TLK1: variants seen among roughly 807,000 people sequenced by gnomAD.
TLK1 encodes serine/threonine-protein kinase tousled-like 1.
Under a neutral mutation model 105.3 loss-of-function variants are expected in TLK1, and 24 were observed. The ratio of observed to expected loss-of-function variants is 0.23; its 90% confidence interval spans 0.17 to 0.32. The LOEUF is 0.32. Among genes scored for constraint, TLK1 ranks in the 10% least tolerant of loss-of-function variants. The pLI, the probability that TLK1 is intolerant of heterozygous loss-of-function variation, is 1.00. For synonymous variants in TLK1, 321 were observed against 310.4 expected (o/e 1.03, Z -0.36); for missense variants, 558 against 910.5 (o/e 0.61, Z 4.98).
chr2:171,077,776 T>C (rs1688578280), intron 3 of TLK1, among the ~76,000 whole-genome samples: 2 of 152,190 alleles, frequency 1.3e-5, no homozygotes, highest in African/African-American at 4.8e-5. Flanking sequence ...ATTATAACAA[T>C]AGAATATACA....
At chr2:171,104,808 G>T (rs1689845258) in intron 2 of TLK1, among the ~76,000 whole-genome samples, 1 of 152,180 alleles carries the variant, frequency 6.6e-6, no homozygotes, top group Admixed American at 6.5e-5. Context: ...TTGGTGTATA[G>T]AAATGCTACT....
chr2:171,176,683 C>T (rs1369615899), intron 1 of TLK1, among the ~76,000 whole-genome samples: 1 of 152,206 alleles, frequency 6.6e-6, no homozygotes, highest in Non-Finnish European at 1.5e-5. Flanking sequence ...AAAACAATAA[C>T]TTCATAGTCT....
intron 4 of TLK1, chr2:171,060,054 A>G (rs1687679824): frequency 1.9e-6 from 3 of 1,599,484 alleles, no homozygotes; most frequent in East Asian, 2.2e-5. Flanking sequence ...GAAGGGGGGA[A>G]AAAACACTGA....
chr2:171,096,361 A>G (rs1474450168), intron 2 of TLK1, among the ~76,000 whole-genome samples: 3 of 152,148 alleles, frequency 2.0e-5, no homozygotes, highest in Admixed American at 1.3e-4. Flanking sequence ...ACTTTTTTTA[A>G]AATCCCACAC....
intron 1 of TLK1, among the ~76,000 whole-genome samples, chr2:171,156,989 A>G (rs1037027161): frequency 3.3e-5 from 5 of 152,072 alleles, no homozygotes; most frequent in African/African-American, 1.2e-4. Context: ...TATTTTTTGT[A>G]GAGACAGGGT....
intron 1 of TLK1, among the ~76,000 whole-genome samples, chr2:171,230,205 T>C (rs1693970690): frequency 1.3e-5 from 2 of 152,204 alleles, no homozygotes; most frequent in Admixed American, 6.5e-5. Flanking sequence ...GACTTTGCAA[T>C]TGAAGCCATC....
intron 3 of TLK1, among the ~76,000 whole-genome samples, chr2:171,080,985 C>T (rs1341562887): frequency 6.6e-6 from 1 of 152,138 alleles, no homozygotes; most frequent in Non-Finnish European, 1.5e-5. Context: ...GGATTACAAG[C>T]GTGAGCCCCC....
At position 171,230,433 on chromosome 2, in the gene TLK1, A is replaced by G. The variant is rs541932332; in HGVS notation, c.-6+712T>C. ...TTTCCAAATTCCGAATTCCAGGGAA[A>G]TAGCTGACACCACCCAGTTTGAAGG... On this transcript the variant is annotated intron_variant, in intron 1 of 20. Coordinates refer to the TLK1 transcript ENST00000521943. 2.0e-4 allele frequency among the ~76,000 whole-genome samples: 30 copies of G among 152,286 alleles called. No individual in the cohort carries two copies. In the South Asian group the frequency reaches 6.0e-3, roughly 31 times the overall value.
intron 1 of TLK1, among the ~76,000 whole-genome samples, chr2:171,204,220 T>G (rs1201159771): frequency 2.6e-5 from 4 of 152,140 alleles, no homozygotes; most frequent in Non-Finnish European, 4.4e-5. Context: ...GAAATTGACA[T>G]GAACTCAAGA....
At chr2:171,006,387 C>A in intron 17 of TLK1, 87 bp downstream of exon 17, 1 of 1,480,126 alleles carries the variant, frequency 6.8e-7, no homozygotes, top group Non-Finnish European at 9.0e-7. Context: ...CAAGAGAAAC[C>A]AAAAAACATG....
At chr2:171,158,865 T>C (rs1213041081) in intron 1 of TLK1, among the ~76,000 whole-genome samples, 3 of 152,230 alleles carry the variant, frequency 2.0e-5, no homozygotes, top group Non-Finnish European at 4.4e-5. Flanking sequence ...AAGCTCAGCG[T>C]TGGGATAAGA....
At chr2:171,081,649 A>T in intron 3 of TLK1, 1 of 1,304,064 alleles carries the variant, frequency 7.7e-7, no homozygotes, top group Non-Finnish European at 1.0e-6. Flanking sequence ...CCTCAAGGGA[A>T]CCTACTGCAG....
At chr2:171,040,437 T>C (rs1000119884) in intron 11 of TLK1, among the ~76,000 whole-genome samples, 5 of 152,160 alleles carry the variant, frequency 3.3e-5, no homozygotes, top group Admixed American at 3.3e-4. Context: ...GTTAGGTATA[T>C]AGGAACTCTG....
intron 1 of TLK1, among the ~76,000 whole-genome samples, chr2:171,185,601 A>G (rs1027578516): frequency 3.3e-5 from 5 of 152,136 alleles, no homozygotes; most frequent in Non-Finnish European, 7.4e-5. Context: ...CTTCAAGCCA[A>G]TTAGCACTGT....
intron 6 of TLK1, 72 bp from the exon 7 acceptor site, chr2:171,055,244 A>G (rs1007874712): frequency 2.4e-6 from 2 of 848,760 alleles, no homozygotes; most frequent in African/African-American, 1.8e-5. Flanking sequence ...CAGATTTCTA[A>G]TTAGCAACAA....
At chr2:171,059,780 A>G in intron 4 of TLK1, 1 of 628,608 alleles carries the variant, frequency 1.6e-6, no homozygotes, top group Non-Finnish European at 2.9e-6. Context: ...ATCAGGCATT[A>G]GATTCTCATA....
intron 1 of TLK1, among the ~76,000 whole-genome samples, chr2:171,144,751 A>T (rs1167245679): frequency 6.6e-6 from 1 of 152,180 alleles, no homozygotes; most frequent in Non-Finnish European, 1.5e-5. Flanking sequence ...TTGAGATAAG[A>T]AAAGGCTTCT....
intron 3 of TLK1, among the ~76,000 whole-genome samples, chr2:171,072,346 G>C (rs1688300211): frequency 6.6e-6 from 1 of 152,180 alleles, no homozygotes; most frequent in Non-Finnish European, 1.5e-5. Context: ...GGGTGCGGTG[G>C]CTCACGCCCA....
At chr2:171,082,965 A>T in intron 2 of TLK1, 113 bp from the exon 3 acceptor site, 1 of 720,434 alleles carries the variant, frequency 1.4e-6, no homozygotes, top group Non-Finnish European at 2.3e-6. Context: ...AAATAAATAA[A>T]GTATAATTCC....
Sources: allele counts gnomAD v4.1 joint callset (sites outside exome capture counted in the v4.1 genomes callset), GRCh38; gene constraint gnomAD v4.1.1; transcripts MANE v1.5; gene names NCBI Gene and HGNC (gene_info 2026-07-23, HGNC 2026-07-21).